Variants in ADCY8 observed in about 807,000 individuals in gnomAD.
The protein encoded by ADCY8 is adenylate cyclase 8, also known as adenylate cyclase type 8.
ADCY8 carries 51 observed loss-of-function variants against 119.7 expected under a neutral mutation model. The observed-to-expected ratio is 0.43, with a 90% confidence interval of 0.34 to 0.54. The LOEUF (loss-of-function observed/expected upper bound fraction) is 0.54, where lower values mean the gene tolerates loss of function less well. Among genes scored for constraint, ADCY8 ranks in the 20% least tolerant of loss-of-function variants. The pLI is 0.03. For synonymous variants in ADCY8, 665 were observed against 651.0 expected (o/e 1.02, Z -0.33); for missense variants, 1,383 against 1,598.8 (o/e 0.87, Z 2.30).
intron 15 of ADCY8, among the ~76,000 whole-genome samples, chr8:130,797,613 C>T (rs1399037714): frequency 6.6e-6 from 1 of 152,156 alleles, no homozygotes; most frequent in Admixed American, 6.5e-5. Context: ...TGGTCTCTAC[C>T]TTAGTGACCT....
At chr8:130,915,489 C>T (rs1820100325) in intron 5 of ADCY8, among the ~76,000 whole-genome samples, 1 of 152,086 alleles carries the variant, frequency 6.6e-6, no homozygotes, top group Admixed American at 6.5e-5. Context: ...TTAAAGCAGG[C>T]CCGGATCTGA....
chr8:130,863,468 A>AT (rs571000265), intron 9 of ADCY8, among the ~76,000 whole-genome samples: 83 of 151,746 alleles, frequency 5.5e-4, no homozygotes, highest in Middle Eastern at 3.4e-3. Context: ...AAAGAGTAAT[A>AT]TTTTTGTGCT....
intron 2 of ADCY8, among the ~76,000 whole-genome samples, chr8:130,985,400 A>C (rs2130732289): frequency 6.6e-6 from 1 of 152,296 alleles, no homozygotes; most frequent in South Asian, 2.1e-4. Context: ...AGAATGTGTA[A>C]GAAACAGTGA....
intron 5 of ADCY8, among the ~76,000 whole-genome samples, chr8:130,932,385 C>T (rs765288874): frequency 6.6e-6 from 1 of 152,078 alleles, no homozygotes; most frequent in Non-Finnish European, 1.5e-5. Context: ...TCTGTGGGTA[C>T]CAGCCTGGTA....
At chr8:130,808,432 C>A (rs1816050226) in intron 14 of ADCY8, among the ~76,000 whole-genome samples, 1 of 152,136 alleles carries the variant, frequency 6.6e-6, no homozygotes, top group African/African-American at 2.4e-5. Context: ...TGTCAAGCAC[C>A]ATGTAAGTGC....
At position 130,884,879 on chromosome 8, in the gene ADCY8, T is replaced by C. The variant is rs1818920488; in HGVS notation, c.1912-118A>G. On this transcript the variant is annotated intron_variant, in intron 7 of 17. Transcript: ENST00000286355. Reference sequence around the variant, plus strand: ...ACAGTAATAGCATTCCATGCAGTTGTATTCAGTGAAACCTACAGAAGTTGA... The same window carrying C: ...ACAGTAATAGCATTCCATGCAGTTGCATTCAGTGAAACCTACAGAAGTTGA... 4 of 1,037,328 alleles carry C rather than the reference T, an allele frequency of 3.9e-6. No individual in the cohort carries two copies. In the Admixed American group the frequency reaches 7.3e-5, roughly 19 times the overall value. 64.3% of individuals were successfully genotyped at this position (1,037,328 alleles called of 1,614,324 possible).
At chr8:130,853,603 A>ATGATT (rs1266782829) in intron 9 of ADCY8, among the ~76,000 whole-genome samples, 6 of 147,084 alleles carry the variant, frequency 4.1e-5, no homozygotes, top group African/African-American at 1.5e-4. Context: ...TTTCTCATTT[A>ATGATT]GCGATTGAAC....
chr8:130,782,272 T>C (rs1041283011), intron 17 of ADCY8, among the ~76,000 whole-genome samples: 2 of 152,192 alleles, frequency 1.3e-5, no homozygotes, highest in Admixed American at 6.5e-5. Flanking sequence ...CAATGATAGT[T>C]AGCTCTTTAA....
chr8:130,961,296 G>C lies in ADCY8; in HGVS notation c.1111-9298C>G, dbSNP rs1821595996. 2.6e-5 allele frequency among the ~76,000 whole-genome samples: 4 copies of C among 152,144 alleles called. No individual in the cohort carries two copies. The South Asian group carries it at 8.3e-4, about 32-fold the overall frequency. On this transcript the variant is annotated intron_variant, in intron 2 of 17. Coordinates refer to ENST00000286355, the MANE Select transcript of ADCY8 (RefSeq NM_001115.3). ...GCTAATTTTTTGTATTTTTAGTAGA[G>C]ACGGGGTTTCATCATGCTGGCCAGG...
chr8:130,781,826 G>C (rs1376003285), intron 17 of ADCY8, among the ~76,000 whole-genome samples: 1 of 152,136 alleles, frequency 6.6e-6, no homozygotes, highest in East Asian at 1.9e-4. Context: ...CTGTTAGTGG[G>C]CATGTATGTC....
chr8:130,978,995 T>C (rs185740577), intron 2 of ADCY8, among the ~76,000 whole-genome samples: 4 of 152,278 alleles, frequency 2.6e-5, no homozygotes, highest in Admixed American at 2.6e-4. Flanking sequence ...TGAAGCCTGC[T>C]TAGAAATAGA....
At chr8:130,914,214 A>G (rs201352482) in intron 5 of ADCY8, among the ~76,000 whole-genome samples, 1 of 152,178 alleles carries the variant, frequency 6.6e-6, no homozygotes, top group South Asian at 2.1e-4. Context: ...CTGAGTTTCC[A>G]TAGTTGTAAA....
chr8:130,928,921 CT>C (rs35086363), intron 5 of ADCY8, among the ~76,000 whole-genome samples: 7 of 151,866 alleles, frequency 4.6e-5, no homozygotes, highest in East Asian at 1.9e-4. Flanking sequence ...GGTCCTGGGC[CT>C]TTTTTTAGAT....
intron 5 of ADCY8, among the ~76,000 whole-genome samples, chr8:130,935,705 C>T (rs566448460): frequency 6.6e-5 from 10 of 152,324 alleles, no homozygotes; most frequent in East Asian, 1.9e-4. Context: ...AGAGGCTGTA[C>T]GCCTATTGCC....
chr8:130,794,080 T>C (rs1815504346), intron 15 of ADCY8, among the ~76,000 whole-genome samples: 1 of 151,794 alleles, frequency 6.6e-6, no homozygotes, highest in Non-Finnish European at 1.5e-5. Context: ...TGGAAAGAAA[T>C]TGGAATCATG....
chr8:130,786,448 C>T (rs898364723), intron 15 of ADCY8, among the ~76,000 whole-genome samples: 2 of 152,158 alleles, frequency 1.3e-5, no homozygotes, highest in Non-Finnish European at 2.9e-5. Context: ...TTCCTGGAAC[C>T]TGTGCATATG....
chr8:130,869,809 A>G (rs1456908909), intron 8 of ADCY8, among the ~76,000 whole-genome samples: 1 of 151,162 alleles, frequency 6.6e-6, no homozygotes, highest in Non-Finnish European at 1.5e-5. Context: ...GAGCCACTGC[A>G]CCCGGCCGGC....
At chr8:130,959,230 A>G (rs1451918789) in intron 2 of ADCY8, among the ~76,000 whole-genome samples, 1 of 152,206 alleles carries the variant, frequency 6.6e-6, no homozygotes, top group Non-Finnish European at 1.5e-5. Flanking sequence ...GAAGGTTTGA[A>G]ACTGTCTTAT....
chr8:130,853,516 G>C (rs1444821712), intron 9 of ADCY8, among the ~76,000 whole-genome samples: 2 of 152,184 alleles, frequency 1.3e-5, no homozygotes, highest in South Asian at 2.1e-4. Flanking sequence ...CTGTATTCCA[G>C]CTTTTATCAC....
Sources: allele counts gnomAD v4.1 joint callset (sites outside exome capture counted in the v4.1 genomes callset), GRCh38; gene constraint gnomAD v4.1.1; transcripts MANE v1.5; gene names NCBI Gene and HGNC (gene_info 2026-07-23, HGNC 2026-07-21).